GSK3A: variants seen among roughly 807,000 people sequenced by gnomAD.
GSK3A encodes glycogen synthase kinase-3 alpha.
A neutral mutation model predicts 56.6 loss-of-function variants in GSK3A; 14 were observed. The ratio of observed to expected loss-of-function variants is 0.25; its 90% CI spans 0.16 to 0.39. The LOEUF (loss-of-function observed/expected upper bound fraction) is 0.39, where lower values mean the gene tolerates loss of function less well. Among genes scored for constraint, GSK3A ranks in the 10% least tolerant of loss-of-function variants. The probability of loss-of-function intolerance (pLI) is 1.00; values close to 1 mark genes in which losing one functional copy is unlikely to be tolerated. For synonymous variants in GSK3A, 301 were observed against 285.0 expected (o/e 1.06, Z -0.56); for missense variants, 450 against 656.0 (o/e 0.69, Z 3.43).
chr19:42,242,134 G>C, intron 1 of GSK3A, 49 bp downstream of exon 1: 1 of 1,293,918 alleles, frequency 7.7e-7, no homozygotes. Flanking sequence ...TGTCTGAGGA[G>C]CTTTGGGAAC....
At chr19:42,233,418 G>A (rs1293537877) in intron 6 of GSK3A, 35 bp from the exon 7 acceptor site, 33 of 1,364,108 alleles carry the variant, frequency 2.4e-5, no homozygotes, top group Admixed American at 4.0e-5. Context: ...AGGGCTAGGC[G>A]AGTAGGGCCA....
chr19:42,230,979 C>A, intron 10 of GSK3A, 112 bp from the exon 11 acceptor site: 1 of 772,406 alleles, frequency 1.3e-6, no homozygotes. Context: ...AAGTTACAAG[C>A]TGTTACTTTA....
intron 10 of GSK3A, among the ~76,000 whole-genome samples, chr19:42,231,313 T>C (rs1599808769): frequency 6.6e-6 from 1 of 152,020 alleles, no homozygotes; most frequent in African/African-American, 2.4e-5. Context: ...TGAGCCGGGA[T>C]TGTGCCACTG....
chr19:42,242,097 T>TCTAA, intron 1 of GSK3A, 86 bp downstream of exon 1: 1 of 1,188,110 alleles, frequency 8.4e-7, no homozygotes, highest in East Asian at 3.2e-5. Context: ...CGAGCTCCTA[T>TCTAA]CTAAGCACAT....
At chr19:42,241,549 CT>C (rs2036292096) in intron 1 of GSK3A, 1 of 152,174 alleles carries the variant, frequency 6.6e-6, no homozygotes, top group Non-Finnish European at 1.5e-5. Context: ...CTCCCAATGT[CT>C]TTATATCTAA....
In GSK3A at chr19:42,242,364, G is replaced by GCCGCCGCCT; in HGVS notation, c.93_101dup (p.Gly33_Gly35dup). On this transcript the variant is annotated inframe_insertion, in exon 1 of 11. Coordinates refer to ENST00000222330, the MANE Select transcript of GSK3A (RefSeq NM_019884.3). ...GGCCGGAGGCCGAGCCTCCGGGGCC[G>GCCGCCGCCT]CCGCCGCCTCCTCCGCCTCCGCCGC... 1.4e-6 allele frequency: 2 copies of GCCGCCGCCT among 1,401,278 alleles called. No individual in the cohort carries two copies. 86.8% of individuals were successfully genotyped at this position (1,401,278 alleles called of 1,614,324 possible).
intron 10 of GSK3A, 137 bp from the exon 11 acceptor site, chr19:42,231,004 A>G: frequency 1.4e-6 from 1 of 695,958 alleles, no homozygotes; most frequent in Non-Finnish European, 2.6e-6. Context: ...AAGGGTTGCA[A>G]ACTCAAGTGC....
At position 42,239,148 on chromosome 19, in the gene GSK3A, T is replaced by A. The variant is rs1460418629; in HGVS notation, c.471+807A>T. On this transcript the variant is annotated intron_variant, in intron 2 of 10. Coordinates refer to ENST00000222330, the MANE Select transcript of GSK3A (RefSeq NM_019884.3). ...ATTGGACTTTTCCCAGAATGCGGTC[T>A]CAGCATTCTTCCCCATTCTCTATTC... Among the ~76,000 whole-genome samples the A allele has an allele frequency of 2.6e-5, 4 of 152,148 alleles. No individual in the cohort carries two copies. In the East Asian group the frequency reaches 7.7e-4, roughly 29 times the overall value.
Position 42,230,232 on chromosome 19 carries a change from CA to C in GSK3A, c.*561del, listed in dbSNP as rs1209897657. 6 of 155,140 alleles carry C rather than the reference CA, an allele frequency of 3.9e-5. No homozygotes were observed. Among genetic ancestry groups the C allele is most frequent in the Non-Finnish European group, 8.6e-5 (6 of 69,916 alleles). 9.6% of individuals were successfully genotyped at this position (155,140 alleles called of 1,614,324 possible). ...TATTGAACGGAGGTCTGTACACAGG[CA>C]AACCTTACTGTGGAAACTAAGACAT... On this transcript the variant is annotated 3_prime_UTR_variant, in exon 11 of 11. Transcript: ENST00000222330.
intron 10 of GSK3A, among the ~76,000 whole-genome samples, chr19:42,231,664 C>T (rs2036224400): frequency 6.7e-6 from 1 of 149,672 alleles, no homozygotes. Context: ...ATCCCAGCTA[C>T]TCGGAGGCTG....
At chr19:42,235,835 C>T (rs547965947) in intron 4 of GSK3A, among the ~76,000 whole-genome samples, 4 of 152,178 alleles carry the variant, frequency 2.6e-5, no homozygotes, top group African/African-American at 7.2e-5. Context: ...GACCCGTATG[C>T]AGGCAGCCAC....
At chr19:42,235,461 C>T (rs572678688) in intron 4 of GSK3A, among the ~76,000 whole-genome samples, 10 of 152,282 alleles carry the variant, frequency 6.6e-5, no homozygotes, top group African/African-American at 1.7e-4. Context: ...ACAGAAGTAC[C>T]GTGAGAGCAG....
At chr19:42,240,346 C>G in intron 1 of GSK3A, 1 of 607,264 alleles carries the variant, frequency 1.6e-6, no homozygotes, top group Non-Finnish European at 3.0e-6. Flanking sequence ...AAGTCCTGCT[C>G]CCCTCCACAT....
Position 42,234,343 on chromosome 19 carries a change from T to C in GSK3A, c.904+10A>G, listed in dbSNP as rs373598275. The C allele has an allele frequency of 1.1e-4, 176 of 1,606,780 alleles. No individual in the cohort carries two copies. The highest frequency in any genetic ancestry group is 1.4e-4 in the Non-Finnish European group (167 of 1,173,478). The stretch of plus-strand genomic sequence containing the variant: ...TGCCACTCCCCCCGCCACCCTCCCA[T>C]AACTCTGACCGATGGATGAGGTGTA... On this transcript the variant is annotated intron_variant, in intron 6 of 10. Transcript: ENST00000222330. This position sits in a 1 kb window ranked among gnomAD's most constrained non-coding sequence, Gnocchi z 5.7.
At chr19:42,231,773 C>CA (rs771063456) in intron 10 of GSK3A, among the ~76,000 whole-genome samples, 9,276 of 84,048 alleles carry the variant, frequency 0.11, 299 homozygotes, top group Middle Eastern at 0.19. Flanking sequence ...CTCTATTGCA[C>CA]AAAAAAAAAA....
chr19:42,236,563 G>T, intron 4 of GSK3A, 43 bp downstream of exon 4: 1 of 1,211,836 alleles, frequency 8.3e-7, no homozygotes, highest in Non-Finnish European at 1.2e-6. Flanking sequence ...CAGAGCCCCT[G>T]GCTTTGTGGG....
Position 42,230,618 on chromosome 19 carries a change from C to G in GSK3A, c.*176G>C. On this transcript the variant is annotated 3_prime_UTR_variant, in exon 11 of 11. Coordinates refer to ENST00000222330, the MANE Select transcript of GSK3A (RefSeq NM_019884.3). ...AACCAGTTAAAATCCTCTTAAAAAGCCCACCACAGGGGTGAGGCTGGTGAG... is the reference window on the plus strand; with the variant it reads ...AACCAGTTAAAATCCTCTTAAAAAGGCCACCACAGGGGTGAGGCTGGTGAG... The G allele has an allele frequency of 3.3e-6, 2 of 611,718 alleles. No homozygotes were observed. The highest frequency in any genetic ancestry group is 3.9e-5 in the South Asian group (2 of 51,366). The allele number at this position is 611,718 out of a possible 1,614,324, so 37.9% of individuals were successfully genotyped here. A position where few individuals can be genotyped will look rare whatever the true frequency, so the allele number is the denominator to read the frequency against.
At chr19:42,238,223 G>A (rs913598244) in intron 2 of GSK3A, among the ~76,000 whole-genome samples, 1 of 151,788 alleles carries the variant, frequency 6.6e-6, no homozygotes, top group East Asian at 2.0e-4. Context: ...GCATGGTGGC[G>A]CACGCCTGTG....
intron 6 of GSK3A, among the ~76,000 whole-genome samples, chr19:42,233,932 C>T (rs1161478569): frequency 6.6e-6 from 1 of 152,178 alleles, no homozygotes; most frequent in Admixed American, 6.5e-5. Context: ...CCCCTCATGC[C>T]TGGAAAATGG....
Sources: allele counts gnomAD v4.1 joint callset (sites outside exome capture counted in the v4.1 genomes callset), GRCh38; gene constraint gnomAD v4.1.1; non-coding constraint Gnocchi (gnomAD v3.1); transcripts MANE v1.5; gene names NCBI Gene and HGNC (gene_info 2026-07-23, HGNC 2026-07-21).